Variants in CCDC191 observed in about 807,000 individuals in gnomAD.
The protein encoded by CCDC191 is coiled-coil domain containing 191.
A neutral mutation model predicts 114.0 loss-of-function variants in CCDC191; 99 were observed. That is an observed-to-expected ratio of 0.87 (90% confidence interval 0.74 to 1.03). The LOEUF (loss-of-function observed/expected upper bound fraction) is 1.03, where lower values mean the gene tolerates loss of function less well. CCDC191 is among the 50% of genes least tolerant of loss of function. The pLI is 0.00. For missense variants in CCDC191, 973 were observed against 1,087.0 expected, an observed-to-expected ratio of 0.90 and a Z score of 1.47; for synonymous variants, 351 against 376.0, an observed-to-expected ratio of 0.93 and a Z score of 0.77.
intron 7 of CCDC191, among the ~76,000 whole-genome samples, chr3:114,025,797 C>G (rs1035407667): frequency 6.6e-6 from 1 of 152,136 alleles, no homozygotes; most frequent in Non-Finnish European, 1.5e-5. Context: ...TACCAAAATC[C>G]CTGTTACCTG....
At chr3:113,997,577 C>T (rs2075756580) in intron 13 of CCDC191, among the ~76,000 whole-genome samples, 1 of 151,928 alleles carries the variant, frequency 6.6e-6, no homozygotes, top group South Asian at 2.1e-4. Flanking sequence ...AGTAAAGTGC[C>T]CAAAAAACAC....
intron 3 of CCDC191, among the ~76,000 whole-genome samples, chr3:114,044,936 T>C (rs1387229112): frequency 2.6e-5 from 4 of 152,138 alleles, no homozygotes; most frequent in Non-Finnish European, 1.5e-5. Flanking sequence ...TAGTTTATGA[T>C]AGGAGAAAAA....
intron 16 of CCDC191, among the ~76,000 whole-genome samples, chr3:113,972,750 A>C (rs552119840): frequency 5.9e-5 from 9 of 152,236 alleles, no homozygotes; most frequent in African/African-American, 2.2e-4. Flanking sequence ...TGTTGAGTGC[A>C]TAGATATTTA....
intron 3 of CCDC191, among the ~76,000 whole-genome samples, chr3:114,044,172 A>T (rs941608944): frequency 2.0e-5 from 3 of 152,050 alleles, no homozygotes; most frequent in African/African-American, 7.3e-5. Context: ...GGATGAAATT[A>T]CCAAAGGAGG....
intron 7 of CCDC191, among the ~76,000 whole-genome samples, chr3:114,031,021 C>T (rs576342475): frequency 6.6e-6 from 1 of 152,264 alleles, no homozygotes; most frequent in East Asian, 1.9e-4. Context: ...TTTTATCAAT[C>T]CCACTTTATT....
At chr3:113,995,482 C>T (rs1445422344) in intron 13 of CCDC191, among the ~76,000 whole-genome samples, 1 of 152,016 alleles carries the variant, frequency 6.6e-6, no homozygotes, top group Non-Finnish European at 1.5e-5. Flanking sequence ...ATGGAATGTA[C>T]CCTGTGACAA....
intron 3 of CCDC191, among the ~76,000 whole-genome samples, chr3:114,044,012 T>C (rs779594139): frequency 3.3e-5 from 5 of 151,860 alleles, no homozygotes; most frequent in Non-Finnish European, 7.4e-5. Context: ...GTCCCAGACA[T>C]GTTAGGTTTG....
At chr3:114,014,562 C>T (rs143178840) in intron 8 of CCDC191, among the ~76,000 whole-genome samples, 16 of 152,310 alleles carry the variant, frequency 1.1e-4, no homozygotes, top group Admixed American at 2.0e-4. Flanking sequence ...GTGAGCCTGG[C>T]GGGTTCACCC....
chr3:114,007,524 A>G (rs549063109), intron 9 of CCDC191, among the ~76,000 whole-genome samples: 17 of 152,306 alleles, frequency 1.1e-4, no homozygotes, highest in Middle Eastern at 3.4e-3. Context: ...CAAGCAGGGT[A>G]TATGTTTTAG....
intron 3 of CCDC191, among the ~76,000 whole-genome samples, chr3:114,043,666 T>C (rs775477024): frequency 1.3e-5 from 2 of 152,202 alleles, no homozygotes; most frequent in African/African-American, 2.4e-5. Context: ...AGAGGTGATA[T>C]ATTTTAAGAG....
intron 8 of CCDC191, among the ~76,000 whole-genome samples, chr3:114,014,770 G>A (rs566224132): frequency 6.6e-6 from 1 of 152,164 alleles, no homozygotes; most frequent in Admixed American, 6.5e-5. Context: ...GCTCTCCAGG[G>A]AATCATAATG....
At chr3:113,974,887 C>G (rs959985867) in intron 16 of CCDC191, among the ~76,000 whole-genome samples, 2 of 152,024 alleles carry the variant, frequency 1.3e-5, no homozygotes, top group Non-Finnish European at 2.9e-5. Context: ...TCTCTCTAAT[C>G]TTTTATGTTT....
intron 13 of CCDC191, among the ~76,000 whole-genome samples, chr3:113,998,132 C>G (rs1300358299): frequency 6.6e-6 from 1 of 151,636 alleles, no homozygotes; most frequent in East Asian, 1.9e-4. Context: ...ATAGAGAAAC[C>G]TGGTCTCTAC....
At chr3:113,969,678 G>A (rs1328075606) in intron 16 of CCDC191, among the ~76,000 whole-genome samples, 3 of 152,090 alleles carry the variant, frequency 2.0e-5, no homozygotes, top group African/African-American at 7.2e-5. Context: ...ATTTAAATCT[G>A]GGTTCTCTAT....
intron 9 of CCDC191, 82 bp downstream of exon 9, chr3:114,010,690 C>A (rs906023380): frequency 7.2e-7 from 1 of 1,391,548 alleles, no homozygotes. Context: ...CTAGACAAAG[C>A]AATCTGACAA....
intron 9 of CCDC191, among the ~76,000 whole-genome samples, chr3:114,009,210 T>C (rs888294223): frequency 5.9e-5 from 9 of 152,144 alleles, no homozygotes; most frequent in African/African-American, 2.2e-4. Context: ...GCAGACTTCA[T>C]AGACATTGTA....
intron 13 of CCDC191, among the ~76,000 whole-genome samples, chr3:113,998,809 C>T (rs1395096788): frequency 6.6e-6 from 1 of 152,206 alleles, no homozygotes; most frequent in Non-Finnish European, 1.5e-5. Flanking sequence ...AGTGATTCTA[C>T]TAAAACCACC....
At chr3:114,034,865 G>T in intron 6 of CCDC191, 60 bp downstream of exon 6, 1 of 1,445,266 alleles carries the variant, frequency 6.9e-7, no homozygotes, top group Non-Finnish European at 9.5e-7. Flanking sequence ...AAACTTCAGA[G>T]CATTTCTAAA....
intron 4 of CCDC191, among the ~76,000 whole-genome samples, chr3:114,041,718 T>A (rs138814761): frequency 6.6e-6 from 1 of 152,178 alleles, no homozygotes; most frequent in African/African-American, 2.4e-5. Context: ...AGGAGAATGA[T>A]GTCAGGTGAA....
Sources: allele counts gnomAD v4.1 joint callset (sites outside exome capture counted in the v4.1 genomes callset), GRCh38; gene constraint gnomAD v4.1.1; transcripts MANE v1.5; gene names NCBI Gene and HGNC (gene_info 2026-07-23, HGNC 2026-07-21).